Variants in TWNK observed in about 807,000 individuals in gnomAD.
TWNK encodes the protein T7 gp4-like protein with intramitochondrial nucleoid localization.
TWNK carries 36 observed loss-of-function variants against 58.2 expected under a neutral mutation model. The ratio of observed to expected loss-of-function variants is 0.62; its 90% CI spans 0.47 to 0.82. TWNK has a LOEUF of 0.82. Ranked by LOEUF, TWNK falls within the 40% of genes least tolerant of loss-of-function variation. The pLI is 0.00. For synonymous variants in TWNK, 349 were observed against 348.5 expected (o/e 1.00, Z -0.02); for missense variants, 714 against 881.0 (o/e 0.81, Z 2.40).
Position 100,990,420 on chromosome 10 carries a change from C to G in TWNK, c.1485-16C>G, listed in dbSNP as rs1851735827. The G allele has an allele frequency of 1.2e-6, 2 of 1,600,644 alleles. No individual in the cohort carries two copies. The highest frequency in any genetic ancestry group is 1.7e-6 in the Non-Finnish European group (2 of 1,167,926). ...TAGAGACAACTTGTCAAATTCCTTG[C>G]CTTTCCTCTTCCCAGGACTGTAATA... On this transcript the variant is annotated splice_polypyrimidine_tract_variant and intron_variant, in intron 2 of 4. Coordinates refer to ENST00000311916, the MANE Select transcript of TWNK (RefSeq NM_021830.5).
Position 100,987,649 on chromosome 10 carries a change from G to A in TWNK, c.-562G>A. On this transcript the variant is annotated 5_prime_UTR_variant, in exon 1 of 5. Coordinates refer to ENST00000311916, the MANE Select transcript of TWNK (RefSeq NM_021830.5). Reference sequence around the variant, plus strand: ...GCTGGGGGCCGGCGCGGCGGAGCTCGGAGTAGTAGAGCGGAGTGAAGACAC... The same window carrying A: ...GCTGGGGGCCGGCGCGGCGGAGCTCAGAGTAGTAGAGCGGAGTGAAGACAC... 1 of 676,418 alleles carries A rather than the reference G, an allele frequency of 1.5e-6. No homozygotes were observed. Among genetic ancestry groups the A allele is most frequent in the East Asian group, 2.7e-5 (1 of 36,532 alleles). 41.9% of individuals were successfully genotyped at this position (676,418 alleles called of 1,614,324 possible). A position where few individuals can be genotyped will look rare whatever the true frequency, so the allele number is the denominator to read the frequency against.
rs1438573088 is a variant in TWNK, at chr10:100,989,221, C to A, written c.1011C>A (p.Asp337Glu). ...PKRCFLVRPG[D>E]QQPRPLEALN... is the part of the protein sequence containing the mutation. ...GATGCTTCTTGGTGCGACCAGGAGACCAGCAACCCCGTCCCCTGGAGGCCC... is the reference window on the plus strand; with the variant it reads ...GATGCTTCTTGGTGCGACCAGGAGAACAGCAACCCCGTCCCCTGGAGGCCC... The change falls in exon 1 of 5, where the codon GAC becomes GAA. Residue 337 changes from aspartate to glutamate, a missense_variant. Physicochemically the swap from Asp to Glu is conservative, Grantham distance 45. This residue lies in a region of TWNK where 302 missense variants were observed against 438.6 expected (regional missense o/e 0.69). Transcript: ENST00000311916. This position sits in a 1 kb window ranked among gnomAD's most constrained non-coding sequence, Gnocchi z 7.6. 1.9e-6 allele frequency: 3 copies of A among 1,614,170 alleles called. No homozygotes were observed. The highest frequency in any genetic ancestry group is 2.2e-5 in the East Asian group (1 of 44,878).
At chr10:100,991,209 C>T in intron 4 of TWNK, 199 bp downstream of exon 4, 1 of 732,252 alleles carries the variant, frequency 1.4e-6, no homozygotes, top group Non-Finnish European at 2.2e-6. Context: ...TTCTTGTCCC[C>T]CAGGAGCTCA....
rs1851681785 is a variant in TWNK, at chr10:100,989,048, A to T, written c.838A>T (p.Thr280Ser). The T allele has an allele frequency of 1.2e-6, 2 of 1,613,862 alleles. No individual in the cohort carries two copies. Among genetic ancestry groups the T allele is most frequent in the African/African-American group, 2.7e-5 (2 of 74,950 alleles). Residue 280 changes from threonine (T) to serine (S), a missense_variant, in exon 1 of 5, where the codon ACC becomes TCC. By Grantham distance (58) the Thr-to-Ser change is moderately conservative. Coordinates refer to ENST00000311916, the MANE Select transcript of TWNK (RefSeq NM_021830.5). The surrounding 1 kb of genome is among the most constrained non-coding windows in gnomAD (Gnocchi z 7.6). ...CTTGAACCAGTCCACGGGGCTGCCT[A>T]CCCTTACTCTACCCCGAGGAACGAC... is the stretch of plus-strand genomic sequence containing the variant. ...LALNQSTGLP[T>S]LTLPRGTTCL...
chr10:100,988,305 C>T lies in TWNK; in HGVS notation c.95C>T (p.Ala32Val). The change falls in exon 1 of 5, where the codon GCC becomes GTC. Residue 32 changes from alanine to valine, a missense_variant. Coordinates refer to ENST00000311916, the MANE Select transcript of TWNK (RefSeq NM_021830.5). The surrounding 1 kb of genome is among the most constrained non-coding windows in gnomAD (Gnocchi z 5.2). ...MGRRGLPRNL[A>V]PGPPRRRYRK... ...CGGAGGGGCCTGCCCCGAAACTTGG[C>T]CCCAGGCCCTCCTCGCAGACGTTAC... 1 of 1,614,224 alleles carries T rather than the reference C, an allele frequency of 6.2e-7. No individual in the cohort carries two copies. The highest frequency in any genetic ancestry group is 1.1e-5 in the South Asian group (1 of 91,088).
chr10:100,988,536 G>A lies in TWNK; in HGVS notation c.326G>A (p.Gly109Asp). 2.5e-6 allele frequency: 4 copies of A among 1,614,156 alleles called. No homozygotes were observed. Among genetic ancestry groups the A allele is most frequent in the Non-Finnish European group, 3.4e-6 (4 of 1,180,044 alleles). ...SFSLFIDKTT[G>D]HFLCMTSLAE... The stretch of plus-strand genomic sequence containing the variant: ...AGCCTCTTCATTGACAAGACCACAG[G>A]CCACTTTCTCTGCATGACCAGCCTA... Residue 109 changes from glycine (G) to aspartate (D), a missense_variant, in exon 1 of 5, where the codon GGC (glycine) becomes GAC (aspartate). By Grantham distance (94) the Gly-to-Asp change is moderately conservative (BLOSUM62 -1). This residue lies in a region of TWNK where 348 missense variants were observed against 388.4 expected (regional missense o/e 0.90). Coordinates refer to ENST00000311916, the MANE Select transcript of TWNK (RefSeq NM_021830.5). The surrounding 1 kb of genome is among the most constrained non-coding windows in gnomAD (Gnocchi z 5.2).
Position 100,989,137 on chromosome 10 carries a change from G to A in TWNK, c.927G>A (p.Gly309=). The change falls in exon 1 of 5, where the codon GGG becomes GGA. Residue 309 remains glycine, a synonymous_variant. Transcript: ENST00000311916. This position sits in a 1 kb window ranked among gnomAD's most constrained non-coding sequence, Gnocchi z 7.6. Reference sequence around the variant, plus strand: ...TCCGGCGGATTGTATTCTGGTTGGGGGATGACCTTCGGTCCTGGGAAGCCG... The same window carrying A: ...TCCGGCGGATTGTATTCTGGTTGGGAGATGACCTTCGGTCCTGGGAAGCCG... ...EQFRRIVFWL[G]DDLRSWEAAK... 1 of 1,611,972 alleles carries A rather than the reference G, an allele frequency of 6.2e-7. No homozygotes were observed. The highest frequency in any genetic ancestry group is 1.1e-5 in the South Asian group (1 of 91,054).
chr10:100,993,496 A>G lies in TWNK; in HGVS notation c.2041A>G (p.Lys681Glu), dbSNP rs771621115. The G allele has an allele frequency of 1.9e-6, 3 of 1,614,152 alleles. No homozygotes were observed. The highest frequency in any genetic ancestry group is 1.3e-5 in the African/African-American group (1 of 75,058). The change falls in exon 5 of 5, where the codon AAG (lysine) becomes GAG (glutamate). Residue 681 changes from lysine (K) to glutamate (E), a missense_variant. This residue lies in a region of TWNK where 64 missense variants were observed against 54.0 expected (regional missense o/e 1.19). Transcript: ENST00000311916. ...CACTCCCGACCAGCCAGACACCTCC[A>G]AGCGTTCAAAGTGAAGGCCGTGCAG... ...APTPDQPDTS[K>E]RSK
In TWNK at chr10:100,989,224, G is replaced by C. The variant is rs1183712053; in HGVS notation, c.1014G>C (p.Gln338His). The C allele has an allele frequency of 1.9e-6, 3 of 1,614,192 alleles. No individual in the cohort carries two copies. Reference sequence around the variant, plus strand: ...GCTTCTTGGTGCGACCAGGAGACCAGCAACCCCGTCCCCTGGAGGCCCTGA... The same window carrying C: ...GCTTCTTGGTGCGACCAGGAGACCACCAACCCCGTCCCCTGGAGGCCCTGA... ...KRCFLVRPGD[Q>H]QPRPLEALNG... is the part of the protein sequence containing the mutation. Residue 338 changes from glutamine (Q) to histidine (H), a missense_variant, in exon 1 of 5, where the codon CAG becomes CAC. Transcript: ENST00000311916. This position sits in a 1 kb window ranked among gnomAD's most constrained non-coding sequence, Gnocchi z 7.6.
Position 100,990,153 on chromosome 10 carries a change from T to G in TWNK, c.1484+269T>G, listed in dbSNP as rs542410669. ...ACCACCCCTCTCTATAAAAAAATTT[T>G]TAAAAATTAGGCTGGGCATGGTGAT... On this transcript the variant is annotated intron_variant, in intron 2 of 4. Coordinates refer to ENST00000311916, the MANE Select transcript of TWNK (RefSeq NM_021830.5). 3.5e-5 allele frequency among the ~76,000 whole-genome samples: 5 copies of G among 143,362 alleles called. No homozygotes were observed. In the South Asian group the frequency reaches 1.2e-3, roughly 33 times the overall value. The allele number at this position is 143,362 out of a possible 152,430, so 94.1% of individuals were successfully genotyped here. A position where few individuals can be genotyped will look rare whatever the true frequency, so the allele number is the denominator to read the frequency against.
At chr10:100,992,673 CAGT>C (rs1851815132) in intron 4 of TWNK, among the ~76,000 whole-genome samples, 1 of 151,852 alleles carries the variant, frequency 6.6e-6, no homozygotes, top group African/African-American at 2.4e-5. Context: ...GCGTCTGAAA[CAGT>C]AGCAAGCTTG....
In TWNK at chr10:100,993,168, CCTT is replaced by C. The variant is rs762399697; in HGVS notation, c.1735-19_1735-17del. ...CATGTCCTCTTACTCCTGCTTTCCT[CCTT>C]CTGCCCCCTGTTCCCCAGGCAAGCC... On this transcript the variant is annotated intron_variant, in intron 4 of 4. Transcript: ENST00000311916. 2.1e-5 allele frequency: 34 copies of C among 1,613,530 alleles called. No individual in the cohort carries two copies. The highest frequency in any genetic ancestry group is 2.9e-5 in the Non-Finnish European group (34 of 1,179,678).
At chr10:100,991,082 T>C (rs1851760779) in intron 4 of TWNK, 72 bp downstream of exon 4, 2 of 1,605,708 alleles carry the variant, frequency 1.2e-6, no homozygotes, top group Non-Finnish European at 1.7e-6. Flanking sequence ...CAGCCCTCAT[T>C]CAGCCTTAAT....
In TWNK at chr10:100,988,273, G is replaced by C; in HGVS notation, c.63G>C (p.Trp21Cys). 1 of 1,614,026 alleles carries C rather than the reference G, an allele frequency of 6.2e-7. No homozygotes were observed. Among genetic ancestry groups the C allele is most frequent in the Non-Finnish European group, 8.5e-7 (1 of 1,180,042 alleles). ...TCTTGTTACCCCTGCGTGGGGAGTG[G>C]ATGGGTCGGAGGGGCCTGCCCCGAA... The part of the protein sequence containing the change: ...LRILLPLRGE[W>C]MGRRGLPRNL... The change falls in exon 1 of 5, where the codon TGG (tryptophan) becomes TGC (cysteine). Residue 21 changes from tryptophan to cysteine, a missense_variant. By Grantham distance (215) the Trp-to-Cys change is radical. Coordinates refer to ENST00000311916, the MANE Select transcript of TWNK (RefSeq NM_021830.5). The surrounding 1 kb of genome is among the most constrained non-coding windows in gnomAD (Gnocchi z 5.2).
intron 4 of TWNK, 154 bp downstream of exon 4, chr10:100,991,164 G>T: frequency 8.8e-7 from 1 of 1,133,552 alleles, no homozygotes; most frequent in Admixed American, 2.4e-5. Flanking sequence ...TATATGTGCT[G>T]GAAATACAAA....
Position 100,989,047 on chromosome 10 carries a change from T to A in TWNK, c.837T>A (p.Pro279=). 1 of 1,614,164 alleles carries A rather than the reference T, an allele frequency of 6.2e-7. No individual in the cohort carries two copies. The highest frequency in any genetic ancestry group is 8.5e-7 in the Non-Finnish European group (1 of 1,180,030). The change falls in exon 1 of 5, where the codon CCT becomes CCA. Residue 279 remains proline (P), a synonymous_variant. Transcript: ENST00000311916. The surrounding 1 kb of genome is among the most constrained non-coding windows in gnomAD (Gnocchi z 7.6). The part of the protein sequence containing the change: ...SLALNQSTGL[P]TLTLPRGTTC... ...CCTTGAACCAGTCCACGGGGCTGCCTACCCTTACTCTACCCCGAGGAACGA... is the reference window on the plus strand; with the variant it reads ...CCTTGAACCAGTCCACGGGGCTGCCAACCCTTACTCTACCCCGAGGAACGA...
At position 100,993,245 on chromosome 10, in the gene TWNK, G is replaced by A; in HGVS notation, c.1790G>A (p.Gly597Glu). 3.1e-6 allele frequency: 5 copies of A among 1,614,180 alleles called. No homozygotes were observed. Among genetic ancestry groups the A allele is most frequent in the Non-Finnish European group, 4.2e-6 (5 of 1,180,030 alleles). ...LILQDRKLVT[G>E]PGKRYLQVSK... ...CTGCAGGACAGGAAGCTGGTAACCG[G>A]GCCAGGGAAACGGTATCTGCAGGTG... The change falls in exon 5 of 5, where the codon GGG becomes GAG. Residue 597 changes from glycine to glutamate, a missense_variant. By Grantham distance (98) the Gly-to-Glu change is moderately conservative (BLOSUM62 -2). Around this residue, in one of 3 missense-constraint regions of TWNK, gnomAD observed 302 missense variants for 438.6 expected, o/e 0.69. Coordinates refer to ENST00000311916, the MANE Select transcript of TWNK (RefSeq NM_021830.5).
At position 100,989,703 on chromosome 10, in the gene TWNK, C is replaced by CA; in HGVS notation, c.1304dup (p.Val437GlyfsTer7). 6.2e-7 allele frequency: 1 copy of CA among 1,614,158 alleles called. No homozygotes were observed. On this transcript the variant is annotated frameshift_variant, in exon 2 of 5. Transcript: ENST00000311916. LOFTEE classifies it high-confidence loss of function. The surrounding 1 kb of genome is among the most constrained non-coding windows in gnomAD (Gnocchi z 7.6). The stretch of plus-strand genomic sequence containing the variant: ...TGAGTATGCCCTGGATTTGTGTTCC[C>CA]AGGGGGTGAACACACTGTGGGGTAG...
Position 100,988,909 on chromosome 10 carries a change from C to T in TWNK, c.699C>T (p.Tyr233=), listed in dbSNP as rs368878041. ...AATGCCAGGGGGATGGAGTGAGCTACGAGGAAACCACTATTCCCCGACCCA... is the reference window on the plus strand; with the variant it reads ...AATGCCAGGGGGATGGAGTGAGCTATGAGGAAACCACTATTCCCCGACCCA... The part of the protein sequence containing the change: ...EAKCQGDGVS[Y]EETTIPRPSA... The change falls in exon 1 of 5, where the codon TAC becomes TAT. Residue 233 remains tyrosine, a synonymous_variant. Transcript: ENST00000311916. This position sits in a 1 kb window ranked among gnomAD's most constrained non-coding sequence, Gnocchi z 5.2. The T allele has an allele frequency of 1.3e-4, 215 of 1,614,044 alleles. No homozygotes were observed. The highest frequency in any genetic ancestry group is 2.4e-4 in the African/African-American group (18 of 74,908).
Sources: gnomAD v4.1 joint callset for allele counts (sites outside exome capture counted in the v4.1 genomes callset) on GRCh38, gnomAD v4.1.1 for gene constraint, gnomAD v4.1.1 regional missense constraint, Gnocchi (gnomAD v3.1) non-coding constraint, MANE v1.5 for transcripts, NCBI Gene and HGNC (gene_info 2026-07-23, HGNC 2026-07-21) for gene names.